The following DNER variants were observed in gnomAD, a reference collection of about 807,000 sequenced individuals.
The protein encoded by DNER is delta and Notch-like epidermal growth factor-related receptor.
A neutral mutation model predicts 78.2 loss-of-function variants in DNER; 33 were observed. The ratio of observed to expected loss-of-function variants is 0.42; its 90% CI spans 0.32 to 0.56. The LOEUF is 0.56. Among genes scored for constraint, DNER ranks in the 20% least tolerant of loss-of-function variants. DNER has a pLI of 0.11. For synonymous variants in DNER, 417 were observed against 384.8 expected (o/e 1.08, Z -0.98); for missense variants, 918 against 975.3 (o/e 0.94, Z 0.78).
intron 10 of DNER, among the ~76,000 whole-genome samples, chr2:229,400,084 G>A (rs1248642423): frequency 3.9e-5 from 6 of 152,022 alleles, no homozygotes; most frequent in African/African-American, 1.4e-4. Flanking sequence ...GCTATACCTG[G>A]ATACTGAAAT....
At chr2:229,611,713 T>C (rs1177878249) in intron 1 of DNER, among the ~76,000 whole-genome samples, 1 of 152,218 alleles carries the variant, frequency 6.6e-6, no homozygotes, top group Non-Finnish European at 1.5e-5. Flanking sequence ...CAAAGTCCTA[T>C]GGGGTTAGAT....
At chr2:229,569,543 T>G (rs555452377) in intron 4 of DNER, among the ~76,000 whole-genome samples, 5 of 152,030 alleles carry the variant, frequency 3.3e-5, no homozygotes, top group Middle Eastern at 3.4e-3. Context: ...AAAAAAAAAT[T>G]TTTTAAGTTC....
chr2:229,658,180 C>A (rs1024386803), intron 1 of DNER, among the ~76,000 whole-genome samples: 1 of 152,228 alleles, frequency 6.6e-6, no homozygotes, highest in African/African-American at 2.4e-5. Flanking sequence ...AGCATGCACA[C>A]TGAAGATATG....
chr2:229,396,852 C>T (rs1160023616), intron 10 of DNER, among the ~76,000 whole-genome samples: 1 of 152,014 alleles, frequency 6.6e-6, no homozygotes, highest in East Asian at 1.9e-4. Flanking sequence ...ACAAAAAGTA[C>T]CTCTGAGACT....
chr2:229,659,778 T>C (rs6742213), intron 1 of DNER, among the ~76,000 whole-genome samples: 9,869 of 152,262 alleles, frequency 0.065, 916 homozygotes, highest in African/African-American at 0.21. Flanking sequence ...ACCTGTACTC[T>C]ATACCTTACA....
At chr2:229,639,348 G>T (rs1037816672) in intron 1 of DNER, among the ~76,000 whole-genome samples, 1 of 151,774 alleles carries the variant, frequency 6.6e-6, no homozygotes, top group South Asian at 2.1e-4. Flanking sequence ...TCCACCTCCC[G>T]GGTTCAAGCG....
intron 1 of DNER, among the ~76,000 whole-genome samples, chr2:229,593,382 G>A (rs771266313): frequency 5.9e-5 from 9 of 152,080 alleles, no homozygotes; most frequent in African/African-American, 1.2e-4. Flanking sequence ...TTCTCCAGAC[G>A]TTGCACGGCT....
At chr2:229,636,095 C>T (rs1434932820) in intron 1 of DNER, among the ~76,000 whole-genome samples, 1 of 152,124 alleles carries the variant, frequency 6.6e-6, no homozygotes, top group Non-Finnish European at 1.5e-5. Flanking sequence ...CACATTCTCC[C>T]GTGGCACACC....
At chr2:229,635,305 C>T (rs1396547666) in intron 1 of DNER, among the ~76,000 whole-genome samples, 3 of 139,222 alleles carry the variant, frequency 2.2e-5, no homozygotes, top group South Asian at 2.3e-4. Flanking sequence ...CAAACAATAC[C>T]ACATGTTAAA....
At chr2:229,671,570 G>A (rs188763950) in intron 1 of DNER, among the ~76,000 whole-genome samples, 2 of 152,280 alleles carry the variant, frequency 1.3e-5, no homozygotes, top group Non-Finnish European at 2.9e-5. Flanking sequence ...CAGGAGTCTT[G>A]TCTGTTTTGT....
intron 1 of DNER, among the ~76,000 whole-genome samples, chr2:229,619,408 C>A (rs1279241747): frequency 6.6e-6 from 1 of 151,926 alleles, no homozygotes; most frequent in East Asian, 1.9e-4. Flanking sequence ...TAAAAACCAG[C>A]TCAGTGATGT....
At chr2:229,521,826 G>A (rs999777073) in intron 5 of DNER, among the ~76,000 whole-genome samples, 3 of 152,108 alleles carry the variant, frequency 2.0e-5, no homozygotes, top group African/African-American at 4.8e-5. Flanking sequence ...GGGGAACACA[G>A]TGCTCAAAGA....
chr2:229,632,056 C>T (rs1239533934), intron 1 of DNER, among the ~76,000 whole-genome samples: 1 of 152,148 alleles, frequency 6.6e-6, no homozygotes, highest in Non-Finnish European at 1.5e-5. Context: ...ATATAAAGTA[C>T]TCTTGTCAAA....
chr2:229,454,727 T>C (rs551748342), intron 7 of DNER, among the ~76,000 whole-genome samples: 1 of 152,110 alleles, frequency 6.6e-6, no homozygotes, highest in African/African-American at 2.4e-5. Flanking sequence ...CTGTGTTTTA[T>C]TATTCTTAAA....
chr2:229,692,813 A>T (rs1340948698), intron 1 of DNER, among the ~76,000 whole-genome samples: 1 of 152,166 alleles, frequency 6.6e-6, no homozygotes, highest in East Asian at 1.9e-4. Context: ...TTTGATCAGC[A>T]TCTTTTATAA....
intron 4 of DNER, among the ~76,000 whole-genome samples, chr2:229,548,092 A>T (rs1422978807): frequency 6.6e-6 from 1 of 152,218 alleles, no homozygotes; most frequent in Non-Finnish European, 1.5e-5. Context: ...ACAAAGCCAC[A>T]TTCATAGATA....
At chr2:229,391,964 T>C (rs980567730) in intron 10 of DNER, among the ~76,000 whole-genome samples, 1 of 152,164 alleles carries the variant, frequency 6.6e-6, no homozygotes, top group African/African-American at 2.4e-5. Flanking sequence ...TTGGGTAAAT[T>C]AAGAAATGCA....
rs991151351 is a variant in DNER, at chr2:229,512,888, C to T, written c.1042G>A (p.Glu348Lys). The T allele has an allele frequency of 4.5e-5, 72 of 1,614,000 alleles. No individual in the cohort carries two copies. Among genetic ancestry groups the T allele is most frequent in the Non-Finnish European group, 5.8e-5 (68 of 1,180,006 alleles). Residue 348 changes from glutamate (E) to lysine (K), a missense_variant, in exon 6 of 13, where the codon GAA becomes AAA. Glu to Lys is a moderately conservative substitution (Grantham distance 56). Transcript: ENST00000341772. The part of the protein sequence containing the change: ...CEEQYVGTFC[E>K]EYDACQRKPC... Reference sequence around the variant, plus strand: ...TTCCTCTGGCAAGCATCGTATTCTTCACAGAAAGTACCCACGTACTGCTCC... The same window carrying T: ...TTCCTCTGGCAAGCATCGTATTCTTTACAGAAAGTACCCACGTACTGCTCC...
intron 4 of DNER, among the ~76,000 whole-genome samples, chr2:229,551,901 C>T (rs950578038): frequency 1.8e-4 from 28 of 151,606 alleles, no homozygotes; most frequent in African/African-American, 6.3e-4. Context: ...CACTGCACTC[C>T]AGCTGGGTGA....
Sources: allele counts gnomAD v4.1 joint callset (sites outside exome capture counted in the v4.1 genomes callset), GRCh38; gene constraint gnomAD v4.1.1; transcripts MANE v1.5; gene names NCBI Gene and HGNC (gene_info 2026-07-23, HGNC 2026-07-21).